Variants in CRTC1 observed in about 807,000 individuals in gnomAD.
CRTC1 encodes the protein CREB regulated transcription coactivator 1.
CRTC1 carries 18 observed loss-of-function variants against 66.1 expected under a neutral mutation model. The observed-to-expected ratio is 0.27, with a 90% confidence interval of 0.19 to 0.40. The LOEUF (loss-of-function observed/expected upper bound fraction) is 0.40. Ranked by LOEUF, CRTC1 falls within the 10% of genes least tolerant of loss-of-function variation. CRTC1 has a pLI of 1.00. For synonymous variants in CRTC1, 416 were observed against 398.8 expected (o/e 1.04, Z -0.51); for missense variants, 669 against 887.9 (o/e 0.75, Z 3.13).
At position 18,760,873 on chromosome 19, in the gene CRTC1, G is replaced by T. The variant is rs1000257329; in HGVS notation, c.886+645G>T. ...GACCCATTGTCAGCGTGTCCTGTCG[G>T]TTCCGCCCTCAGGACCTGGCCTGAC... On this transcript the variant is annotated intron_variant, in intron 8 of 13. Transcript: ENST00000321949. The surrounding 1 kb of genome is among the most constrained non-coding windows in gnomAD (Gnocchi z 6.2). 2.0e-5 allele frequency among the ~76,000 whole-genome samples: 3 copies of T among 151,780 alleles called. No homozygotes were observed. Among genetic ancestry groups the T allele is most frequent in the African/African-American group, 7.3e-5 (3 of 41,282 alleles).
chr19:18,733,634 C>G (rs1369040962), intron 1 of CRTC1, among the ~76,000 whole-genome samples: 1 of 152,220 alleles, frequency 6.6e-6, no homozygotes, highest in Non-Finnish European at 1.5e-5. Context: ...CAGATGTTTA[C>G]TGAGGAACTC....
intron 2 of CRTC1, among the ~76,000 whole-genome samples, chr19:18,744,695 T>C (rs2054191775): frequency 6.6e-6 from 1 of 152,168 alleles, no homozygotes; most frequent in African/African-American, 2.4e-5. Context: ...GCCTGTGCAC[T>C]GGACAGCACA....
Position 18,777,521 on chromosome 19 carries a change from G to A in CRTC1, c.*139G>A, listed in dbSNP as rs764812784. ...GCCGCCAAGCGCCCCCCGCCAGCCC[G>A]CCCCCGGTTGTCCACCTCCCGCGAA... On this transcript the variant is annotated 3_prime_UTR_variant, in exon 14 of 14. Transcript: ENST00000321949. The surrounding 1 kb of genome is among the most constrained non-coding windows in gnomAD (Gnocchi z 5.5). 6.3e-6 allele frequency: 5 copies of A among 792,452 alleles called. No homozygotes were observed. The highest frequency in any genetic ancestry group is 1.8e-5 in the African/African-American group (1 of 56,914). The allele number at this position is 792,452 out of a possible 1,614,324, so 49.1% of individuals were successfully genotyped here.
rs751686369 is a variant in CRTC1, at chr19:18,778,690, G to T, written c.*1308G>T. ...GTGCCTGCTAGTCCTTAGAGTGTGT[G>T]TGTGAAGATGCCATGACCAGTGGCA... On this transcript the variant is annotated 3_prime_UTR_variant, in exon 14 of 14. Transcript: ENST00000321949. The T allele has an allele frequency of 2.2e-5, 5 of 230,602 alleles. No individual in the cohort carries two copies. The highest frequency in any genetic ancestry group is 2.6e-5 in the Non-Finnish European group (3 of 116,410). The allele number at this position is 230,602 out of a possible 1,614,324, so 14.3% of individuals were successfully genotyped here.
chr19:18,744,249 C>A, intron 2 of CRTC1: 1 of 1,252,154 alleles, frequency 8.0e-7, no homozygotes, highest in Non-Finnish European at 1.1e-6. Flanking sequence ...CTGAGCTCCC[C>A]AAGCGGCCGC....
intron 1 of CRTC1, among the ~76,000 whole-genome samples, chr19:18,742,145 C>T (rs140102898): frequency 3.3e-4 from 51 of 152,280 alleles, no homozygotes; most frequent in African/African-American, 1.0e-3. Context: ...CTGTTACTGG[C>T]AAATCAGCAT....
In CRTC1 at chr19:18,741,355, C is replaced by T. The variant is rs979333445; in HGVS notation, c.127-1555C>T. ...TGGCATGAGTACCTGCTGTGTCACA[C>T]GTCGTGTGTCCCTCTCACACCCGCC... On this transcript the variant is annotated intron_variant, in intron 1 of 13. Coordinates refer to ENST00000321949, the MANE Select transcript of CRTC1 (RefSeq NM_015321.3). This position sits in a 1 kb window ranked among gnomAD's most constrained non-coding sequence, Gnocchi z 4.2. Among the ~76,000 whole-genome samples the T allele has an allele frequency of 6.6e-6, 1 of 152,218 alleles. No individual in the cohort carries two copies. Among genetic ancestry groups the T allele is most frequent in the Non-Finnish European group, 1.5e-5 (1 of 68,038 alleles).
Position 18,697,254 on chromosome 19 carries a change from G to A in CRTC1, c.126+13426G>A, listed in dbSNP as rs953816785. Among the ~76,000 whole-genome samples the A allele has an allele frequency of 2.6e-5, 4 of 152,106 alleles. No individual in the cohort carries two copies. In the East Asian group the frequency reaches 7.7e-4, roughly 29 times the overall value. On this transcript the variant is annotated intron_variant, in intron 1 of 13. Coordinates refer to ENST00000321949, the MANE Select transcript of CRTC1 (RefSeq NM_015321.3). ...GAGGGATTCAGAAGCACTTGGCACC[G>A]GGGGGAGCAGCCTCATCGGTGTCCA...
chr19:18,693,186 C>T (rs549582860), intron 1 of CRTC1, among the ~76,000 whole-genome samples: 130 of 151,252 alleles, frequency 8.6e-4, no homozygotes, highest in African/African-American at 3.0e-3. Context: ...GTCAAGAGAT[C>T]GAGACCACCC....
chr19:18,760,236 A>C lies in CRTC1; in HGVS notation c.886+8A>C, dbSNP rs756164696. The C allele has an allele frequency of 1.4e-5, 22 of 1,582,882 alleles. No individual in the cohort carries two copies. Among genetic ancestry groups the C allele is most frequent in the Admixed American group, 3.7e-5 (2 of 54,634 alleles). On this transcript the variant is annotated splice_region_variant and intron_variant, in intron 8 of 13. Transcript: ENST00000321949. This position sits in a 1 kb window ranked among gnomAD's most constrained non-coding sequence, Gnocchi z 6.2. Reference sequence around the variant, plus strand: ...TCGGTGGCGCCGGCCAGGGTAAGGCAGGGACACTCCGCCCTCGGACAGAGC... The same window carrying C: ...TCGGTGGCGCCGGCCAGGGTAAGGCCGGGACACTCCGCCCTCGGACAGAGC...
chr19:18,694,332 GA>G (rs1435719560), intron 1 of CRTC1, among the ~76,000 whole-genome samples: 1 of 148,570 alleles, frequency 6.7e-6, no homozygotes, highest in Non-Finnish European at 1.5e-5. Flanking sequence ...AAGAGACGAA[GA>G]AAAAAATAAA....
intron 1 of CRTC1, among the ~76,000 whole-genome samples, chr19:18,713,852 T>G (rs2053446187): frequency 6.6e-6 from 1 of 152,208 alleles, no homozygotes; most frequent in East Asian, 1.9e-4. Context: ...AGGTGGGAGC[T>G]GGAGGACACA....
chr19:18,745,794 C>T (rs1373068485), intron 2 of CRTC1, 29 bp from the exon 3 acceptor site: 2 of 1,613,272 alleles, frequency 1.2e-6, no homozygotes, highest in South Asian at 1.1e-5. Context: ...GGATTTCTCT[C>T]TCTCTGTTTC....
chr19:18,689,851 T>C (rs1009397181), intron 1 of CRTC1, among the ~76,000 whole-genome samples: 2 of 151,734 alleles, frequency 1.3e-5, no homozygotes, highest in African/African-American at 4.8e-5. Flanking sequence ...GAGCATGTGC[T>C]GGGGAGTAGA....
chr19:18,712,730 C>T (rs2053419612), intron 1 of CRTC1, among the ~76,000 whole-genome samples: 1 of 151,994 alleles, frequency 6.6e-6, no homozygotes, highest in African/African-American at 2.4e-5. Context: ...GAGGCCAAGG[C>T]GGGCAGATCG....
intron 12 of CRTC1, 141 bp from the exon 13 acceptor site, chr19:18,775,500 C>T: frequency 1.3e-6 from 1 of 747,594 alleles, no homozygotes; most frequent in Non-Finnish European, 2.1e-6. Context: ...GGGGTTCGTG[C>T]TTGGCAGCCT....
chr19:18,745,805 C>T lies in CRTC1; in HGVS notation c.244-18C>T. 6.2e-7 allele frequency: 1 copy of T among 1,613,576 alleles called. No homozygotes were observed. The highest frequency in any genetic ancestry group is 8.5e-7 in the Non-Finnish European group (1 of 1,179,812). ...GTTTGGATTTCTCTCTCTCTGTTTC[C>T]ATCTCCTCCTCCCCCAGACCCCCTT... On this transcript the variant is annotated intron_variant, in intron 2 of 13. Transcript: ENST00000321949.
intron 1 of CRTC1, among the ~76,000 whole-genome samples, chr19:18,737,739 G>GCTC (rs760680059): frequency 1.3e-3 from 201 of 149,840 alleles, no homozygotes; most frequent in South Asian, 3.6e-3. Flanking sequence ...TCCTGCTGCT[G>GCTC]CTCCTCCTCC....
At chr19:18,754,686 CT>C (rs2054445770) in intron 6 of CRTC1, among the ~76,000 whole-genome samples, 3 of 152,216 alleles carry the variant, frequency 2.0e-5, no homozygotes, top group Admixed American at 2.0e-4. Context: ...AGGAAATAGT[CT>C]TCAGTCCCTC....
Sources: gnomAD v4.1 joint callset for allele counts (sites outside exome capture counted in the v4.1 genomes callset) on GRCh38, gnomAD v4.1.1 for gene constraint, Gnocchi (gnomAD v3.1) non-coding constraint, MANE v1.5 for transcripts, NCBI Gene and HGNC (gene_info 2026-07-23, HGNC 2026-07-21) for gene names.